Variants in SDK1 observed in about 807,000 individuals in gnomAD.
SDK1 encodes sidekick cell adhesion molecule 1, also known as protein sidekick-1.
Under a neutral mutation model 245.5 loss-of-function variants are expected in SDK1, and 157 were observed. That is an observed-to-expected ratio of 0.64 (90% CI 0.56 to 0.73). SDK1 has a LOEUF of 0.73. Among genes scored for constraint, SDK1 ranks in the 30% least tolerant of loss-of-function variants. The probability of loss-of-function intolerance (pLI) is 0.00; values close to 1 mark genes in which losing one functional copy is unlikely to be tolerated. For missense variants in SDK1, 3,583 were observed against 3,002.3 expected (o/e 1.19, Z -4.52); for synonymous variants, 1,647 against 1,278.5 (o/e 1.29, Z -6.15).
At chr7:4,261,227 G>A (rs1270761979) in intron 44 of SDK1, among the ~76,000 whole-genome samples, 2 of 152,142 alleles carry the variant, frequency 1.3e-5, no homozygotes, top group Non-Finnish European at 2.9e-5. Flanking sequence ...TCATGGATCA[G>A]AGCTTCCTGC....
intron 1 of SDK1, among the ~76,000 whole-genome samples, chr7:3,615,511 G>A (rs1781738236): frequency 1.3e-5 from 2 of 151,722 alleles, no homozygotes; most frequent in Non-Finnish European, 2.9e-5. Context: ...ACACTTTACT[G>A]CTTACATTCC....
At chr7:4,248,707 TACAC>T (rs1203125111) in intron 44 of SDK1, among the ~76,000 whole-genome samples, 1 of 151,542 alleles carries the variant, frequency 6.6e-6, no homozygotes, top group Admixed American at 6.6e-5. Flanking sequence ...TGCACACATG[TACAC>T]ACACGCACAC....
intron 44 of SDK1, among the ~76,000 whole-genome samples, chr7:4,250,272 T>A (rs1436329649): frequency 6.6e-6 from 1 of 152,242 alleles, no homozygotes; most frequent in Non-Finnish European, 1.5e-5. Context: ...TTTTAAAATC[T>A]GACTTCAGAA....
intron 5 of SDK1, among the ~76,000 whole-genome samples, chr7:3,833,098 G>A (rs1169634576): frequency 6.6e-6 from 1 of 152,012 alleles, no homozygotes; most frequent in Non-Finnish European, 1.5e-5. Flanking sequence ...AGGCTATAAC[G>A]GTTTTGTGGT....
intron 5 of SDK1, among the ~76,000 whole-genome samples, chr7:3,942,676 T>A (rs968094152): frequency 1.3e-5 from 2 of 152,224 alleles, no homozygotes; most frequent in African/African-American, 2.4e-5. Context: ...GATGGTCCTG[T>A]AGACCCCCTT....
intron 1 of SDK1, among the ~76,000 whole-genome samples, chr7:3,552,157 C>G (rs1357059927): frequency 6.6e-6 from 1 of 152,078 alleles, no homozygotes; most frequent in Non-Finnish European, 1.5e-5. Context: ...TCTGCCTCAG[C>G]CTCCTGAGTA....
At chr7:3,541,374 C>G (rs562579512) in intron 1 of SDK1, among the ~76,000 whole-genome samples, 4 of 152,322 alleles carry the variant, frequency 2.6e-5, no homozygotes, top group East Asian at 1.9e-4. Context: ...AGGGCGTAAT[C>G]TAAGCCATAC....
At chr7:4,248,266 A>G (rs1356325609) in intron 44 of SDK1, among the ~76,000 whole-genome samples, 1 of 152,034 alleles carries the variant, frequency 6.6e-6, no homozygotes, top group Non-Finnish European at 1.5e-5. Flanking sequence ...CACACAACAC[A>G]CACACCTAAA....
At chr7:4,207,997 C>T in intron 36 of SDK1, 102 bp from the exon 37 acceptor site, 2 of 861,828 alleles carry the variant, frequency 2.3e-6, no homozygotes, top group South Asian at 1.6e-5. Context: ...CAGCTCGCCC[C>T]AGAACTCAGC....
At chr7:3,922,977 A>G (rs914570306) in intron 5 of SDK1, among the ~76,000 whole-genome samples, 8 of 152,304 alleles carry the variant, frequency 5.3e-5, no homozygotes, top group Middle Eastern at 3.4e-3. Context: ...AATTCTGGAG[A>G]AAACTCTTGA....
intron 5 of SDK1, among the ~76,000 whole-genome samples, chr7:3,849,626 T>G (rs1355118342): frequency 6.6e-6 from 1 of 152,330 alleles, no homozygotes; most frequent in East Asian, 1.9e-4. Context: ...TTCTGACTAG[T>G]GAATTTCAAT....
At chr7:3,410,712 A>G (rs1337290295) in intron 1 of SDK1, among the ~76,000 whole-genome samples, 1 of 148,656 alleles carries the variant, frequency 6.7e-6, no homozygotes, top group African/African-American at 2.5e-5. Context: ...TCAGCCTTCT[A>G]AGTAGCTGGG....
intron 5 of SDK1, among the ~76,000 whole-genome samples, chr7:3,875,913 GC>G (rs1377073107): frequency 1.8e-4 from 28 of 152,130 alleles, no homozygotes; most frequent in African/African-American, 6.5e-4. Flanking sequence ...ACCATCAGGG[GC>G]TACACTTCCA....
intron 44 of SDK1, among the ~76,000 whole-genome samples, chr7:4,254,124 C>T (rs1420930127): frequency 6.6e-6 from 1 of 152,060 alleles, no homozygotes; most frequent in African/African-American, 2.4e-5. Flanking sequence ...ACATATTTTA[C>T]CGGTAGATTA....
In SDK1 at chr7:4,265,212, A is replaced by T; in HGVS notation, c.6470A>T (p.Lys2157Met). The change falls in exon 45 of 45, where the codon AAG becomes ATG. Residue 2157 changes from lysine to methionine, a missense_variant. Lys to Met is a moderately conservative substitution (Grantham distance 95). Transcript: ENST00000404826. The stretch of plus-strand genomic sequence containing the variant: ...GACCCCACCTACTACAACTCATGGA[A>T]GCGCAGGGCCCAGGGCCGCGCACCT... Reference protein sequence around the residue: ...MSDPTYYNSWKRRAQGRAPAP... With the variant: ...MSDPTYYNSWMRRAQGRAPAP... The T allele has an allele frequency of 1.2e-6, 2 of 1,610,930 alleles. No homozygotes were observed. The highest frequency in any genetic ancestry group is 1.7e-6 in the Non-Finnish European group (2 of 1,179,568).
At chr7:3,964,299 G>A (rs756101314) in intron 9 of SDK1, among the ~76,000 whole-genome samples, 4 of 152,196 alleles carry the variant, frequency 2.6e-5, no homozygotes, top group Non-Finnish European at 4.4e-5. Context: ...GTCACTCCCC[G>A]GCCCTAGTAC....
chr7:3,309,524 A>ATTTTTT (rs59762021), intron 1 of SDK1, among the ~76,000 whole-genome samples: 3,431 of 127,254 alleles, frequency 0.027, 101 homozygotes, highest in African/African-American at 0.046. Context: ...CTAGAAAAAG[A>ATTTTTT]TTTTTTTTTT....
At chr7:4,224,474 G>A (rs1354988449) in intron 40 of SDK1, among the ~76,000 whole-genome samples, 1 of 152,102 alleles carries the variant, frequency 6.6e-6, no homozygotes, top group Non-Finnish European at 1.5e-5. Context: ...CCAAAGGGGT[G>A]GTCCTAAAAC....
intron 1 of SDK1, among the ~76,000 whole-genome samples, chr7:3,568,780 C>G (rs1038635097): frequency 1.3e-5 from 2 of 152,114 alleles, no homozygotes; most frequent in African/African-American, 4.8e-5. Flanking sequence ...TTTGGGAGTA[C>G]CTGTAATGGA....
Sources: allele counts gnomAD v4.1 joint callset (sites outside exome capture counted in the v4.1 genomes callset), GRCh38; gene constraint gnomAD v4.1.1; transcripts MANE v1.5; gene names NCBI Gene and HGNC (gene_info 2026-07-23, HGNC 2026-07-21).